Variants in KIF16B observed in about 807,000 individuals in gnomAD.
KIF16B encodes the protein kinesin-like protein KIF16B.
A neutral mutation model predicts 156.3 loss-of-function variants in KIF16B; 98 were observed. The ratio of observed to expected loss-of-function variants is 0.63; its 90% CI spans 0.53 to 0.74. KIF16B has a LOEUF of 0.74. KIF16B is among the 30% of genes least tolerant of loss of function. KIF16B has a pLI of 0.00. For synonymous variants in KIF16B, 564 were observed against 583.7 expected, an observed-to-expected ratio of 0.97 and a Z score of 0.49; for missense variants, 1,421 against 1,606.5, an observed-to-expected ratio of 0.88 and a Z score of 1.97.
chr20:16,348,245 T>G (rs2064270345), intron 23 of KIF16B, among the ~76,000 whole-genome samples: 1 of 152,228 alleles, frequency 6.6e-6, no homozygotes, highest in Admixed American at 6.5e-5. Context: ...CCTCAACTTA[T>G]AAATGTGTAG....
At chr20:16,557,322 G>A (rs1260811746) in intron 1 of KIF16B, among the ~76,000 whole-genome samples, 1 of 151,918 alleles carries the variant, frequency 6.6e-6, no homozygotes, top group East Asian at 1.9e-4. Context: ...TGAGATTACA[G>A]GCGCCTGCTA....
intron 17 of KIF16B, among the ~76,000 whole-genome samples, chr20:16,388,155 C>T (rs1006132204): frequency 6.6e-6 from 1 of 151,996 alleles, no homozygotes; most frequent in Non-Finnish European, 1.5e-5. Context: ...CAAAAAATGC[C>T]GTAAAGATGT....
intron 15 of KIF16B, 102 bp downstream of exon 15, chr20:16,427,002 A>C (rs531124716): frequency 1.5e-5 from 16 of 1,038,090 alleles, no homozygotes; most frequent in Middle Eastern, 2.6e-4. Flanking sequence ...TTTTATACCT[A>C]ATCAATAATT....
intron 23 of KIF16B, among the ~76,000 whole-genome samples, chr20:16,347,298 G>C (rs2064252034): frequency 6.6e-6 from 1 of 152,086 alleles, no homozygotes; most frequent in Non-Finnish European, 1.5e-5. Flanking sequence ...TTTTATTCTA[G>C]GAAGAGATGC....
chr20:16,431,936 A>ACACACACACACACACACACACG (rs990835534), intron 12 of KIF16B, among the ~76,000 whole-genome samples: 1 of 151,100 alleles, frequency 6.6e-6, no homozygotes, highest in African/African-American at 2.4e-5. Flanking sequence ...ACACACACAC[A>ACACACACACACACACACACACG]CACGCACAAG....
chr20:16,397,450 G>A (rs2065536555), intron 17 of KIF16B, among the ~76,000 whole-genome samples: 1 of 152,194 alleles, frequency 6.6e-6, no homozygotes, highest in African/African-American at 2.4e-5. Flanking sequence ...TGTTCTTGGG[G>A]AACAAGAACT....
At chr20:16,395,589 T>C (rs2146200097) in intron 17 of KIF16B, among the ~76,000 whole-genome samples, 1 of 152,268 alleles carries the variant, frequency 6.6e-6, no homozygotes, top group Non-Finnish European at 1.5e-5. Context: ...ATTTCCATTC[T>C]TAATCTGAAA....
intron 3 of KIF16B, among the ~76,000 whole-genome samples, chr20:16,523,749 C>A (rs981084417): frequency 2.0e-5 from 3 of 152,066 alleles, no homozygotes; most frequent in African/African-American, 7.2e-5. Flanking sequence ...GCAAAAAGAA[C>A]AAAGCTGGAG....
chr20:16,380,871 C>T (rs2123433270), intron 18 of KIF16B, among the ~76,000 whole-genome samples: 1 of 152,256 alleles, frequency 6.6e-6, no homozygotes, highest in African/African-American at 2.4e-5. Flanking sequence ...GTTGGGATGG[C>T]CTCCAGAGGA....
At chr20:16,404,183 T>C (rs1028666979) in intron 17 of KIF16B, among the ~76,000 whole-genome samples, 1 of 152,158 alleles carries the variant, frequency 6.6e-6, no homozygotes, top group South Asian at 2.1e-4. Flanking sequence ...GAGATTATCC[T>C]GGTAGGAAAG....
chr20:16,520,437 C>T (rs2069304679), intron 3 of KIF16B, among the ~76,000 whole-genome samples: 1 of 152,184 alleles, frequency 6.6e-6, no homozygotes, highest in South Asian at 2.1e-4. Context: ...GCAGAGCCCA[C>T]CACAGCTTGG....
intron 17 of KIF16B, among the ~76,000 whole-genome samples, chr20:16,385,105 G>A (rs1256000406): frequency 6.6e-6 from 1 of 151,882 alleles, no homozygotes; most frequent in East Asian, 1.9e-4. Context: ...GCTGAGGCAG[G>A]AGAATGGCTT....
chr20:16,287,885 G>A (rs918170981), intron 25 of KIF16B, among the ~76,000 whole-genome samples: 3 of 152,188 alleles, frequency 2.0e-5, no homozygotes, highest in African/African-American at 7.2e-5. Context: ...CCAGAAGTGA[G>A]GACATGTAAG....
intron 6 of KIF16B, 34 bp from the exon 7 acceptor site, chr20:16,508,134 C>T (rs1313847618): frequency 6.2e-7 from 1 of 1,606,446 alleles, no homozygotes; most frequent in Admixed American, 1.7e-5. Flanking sequence ...GAAGAAATCC[C>T]CCTAATATAT....
At position 16,379,721 on chromosome 20, in the gene KIF16B, G is replaced by GTC. The variant is rs1368702073; in HGVS notation, c.2280_2281insGA (p.Leu761AspfsTer16). ...AGCTGCTCTTCCAGATGGGCCACGAGCATGACCTGCTCCTTCTCCTGCTCC... is the reference window on the plus strand; with the variant it reads ...AGCTGCTCTTCCAGATGGGCCACGAGTCCATGACCTGCTCCTTCTCCTGCTCC... On this transcript the variant is annotated frameshift_variant, in exon 19 of 26. Coordinates refer to ENST00000354981, the MANE Select transcript of KIF16B (RefSeq NM_024704.5). LOFTEE classifies it high-confidence loss of function. The GTC allele has an allele frequency of 2.5e-6, 4 of 1,614,036 alleles. No individual in the cohort carries two copies. The Admixed American group carries it at 6.7e-5, about 27-fold the overall frequency.
At chr20:16,533,735 C>T (rs2069843820) in intron 1 of KIF16B, among the ~76,000 whole-genome samples, 1 of 152,168 alleles carries the variant, frequency 6.6e-6, no homozygotes, top group African/African-American at 2.4e-5. Flanking sequence ...CATTCTCACC[C>T]TGCCAAACCA....
chr20:16,488,998 C>A (rs1323208195), intron 12 of KIF16B, among the ~76,000 whole-genome samples: 1 of 152,138 alleles, frequency 6.6e-6, no homozygotes, highest in Admixed American at 6.5e-5. Flanking sequence ...GTATTTAAAT[C>A]CAAGGGACTT....
At chr20:16,490,250 C>T (rs979263855) in intron 12 of KIF16B, among the ~76,000 whole-genome samples, 6 of 152,132 alleles carry the variant, frequency 3.9e-5, no homozygotes, top group African/African-American at 1.4e-4. Context: ...TCCAATCTGA[C>T]TGGTGTCCTT....
At chr20:16,541,119 T>C (rs1292317954) in intron 1 of KIF16B, among the ~76,000 whole-genome samples, 1 of 152,194 alleles carries the variant, frequency 6.6e-6, no homozygotes, top group Non-Finnish European at 1.5e-5. Flanking sequence ...AAACCATGTC[T>C]TCCTGCTGTT....
Sources: allele counts gnomAD v4.1 joint callset (sites outside exome capture counted in the v4.1 genomes callset), GRCh38; gene constraint gnomAD v4.1.1; transcripts MANE v1.5; gene names NCBI Gene and HGNC (gene_info 2026-07-23, HGNC 2026-07-21).